COL14A1: variants seen among roughly 807,000 people sequenced by gnomAD.
The protein encoded by COL14A1 is collagen alpha-1(XIV) chain.
A neutral mutation model predicts 230.3 loss-of-function variants in COL14A1; 136 were observed. That is an observed-to-expected ratio of 0.59 (90% CI 0.51 to 0.68). COL14A1 has a LOEUF of 0.68. Among genes scored for constraint, COL14A1 ranks in the 30% least tolerant of loss-of-function variants. The pLI, the probability that COL14A1 is intolerant of heterozygous loss-of-function variation, is 0.00. For missense variants in COL14A1, 1,976 were observed against 2,215.8 expected, an observed-to-expected ratio of 0.89 and a Z score of 2.17; for synonymous variants, 792 against 784.1, an observed-to-expected ratio of 1.01 and a Z score of -0.17.
chr8:120,274,296 T>C (rs1157198232), intron 26 of COL14A1, among the ~76,000 whole-genome samples: 2 of 151,814 alleles, frequency 1.3e-5, no homozygotes, highest in African/African-American at 2.4e-5. Context: ...ATAAATACTT[T>C]CAACAAATTG....
intron 5 of COL14A1, among the ~76,000 whole-genome samples, chr8:120,192,441 G>T (rs1430325589): frequency 6.6e-6 from 1 of 152,124 alleles, no homozygotes; most frequent in African/African-American, 2.4e-5. Flanking sequence ...GCTTCCCTTT[G>T]TGGGTAACCC....
intron 1 of COL14A1, among the ~76,000 whole-genome samples, chr8:120,127,001 G>A (rs1814362878): frequency 6.6e-6 from 1 of 152,122 alleles, no homozygotes; most frequent in African/African-American, 2.4e-5. Context: ...ATGATTTTTA[G>A]TGTTTTCACA....
At chr8:120,261,852 TC>T (rs138308244) in intron 23 of COL14A1, among the ~76,000 whole-genome samples, 19,844 of 152,120 alleles carry the variant, frequency 0.13, 1,416 homozygotes, top group Non-Finnish European at 0.16. Context: ...CCCTCTGAAC[TC>T]CCTGGGAATG....
At chr8:120,325,893 G>A (rs1821649869) in intron 40 of COL14A1, among the ~76,000 whole-genome samples, 1 of 152,090 alleles carries the variant, frequency 6.6e-6, no homozygotes, top group African/African-American at 2.4e-5. Context: ...AAAGGTTTTG[G>A]GACGTGCAAG....
At position 120,132,431 on chromosome 8, in the gene COL14A1, C is replaced by T. The variant is rs141076125; in HGVS notation, c.-38+7091C>T. 5.1e-3 allele frequency among the ~76,000 whole-genome samples: 770 copies of T among 152,142 alleles called. 6 individuals are homozygous for T. Among genetic ancestry groups the T allele is most frequent in the African/African-American group, 0.018 (745 of 41,528 alleles). ...CGTTTTCTGTGTGTTTGTTTTTGTA[C>T]CAGTACCATGCTTTTTTGGTTACTG... is the stretch of plus-strand genomic sequence containing the variant. On this transcript the variant is annotated intron_variant, in intron 1 of 47. Transcript: ENST00000297848.
chr8:120,164,486 T>C (rs1815798208), intron 4 of COL14A1, among the ~76,000 whole-genome samples: 1 of 152,114 alleles, frequency 6.6e-6, no homozygotes, highest in South Asian at 2.1e-4. Context: ...AATTGCAGTT[T>C]TTGCAATTAC....
chr8:120,175,497 T>A (rs976220961), intron 5 of COL14A1, among the ~76,000 whole-genome samples: 6 of 152,178 alleles, frequency 3.9e-5, no homozygotes, highest in African/African-American at 9.7e-5. Flanking sequence ...AAGGGGTGAC[T>A]CTCAGTGTTC....
In COL14A1 at chr8:120,247,639, C is replaced by G. The variant is rs773268423; in HGVS notation, c.2506C>G (p.Arg836Gly). 3 of 1,613,872 alleles carry G rather than the reference C, an allele frequency of 1.9e-6. No individual in the cohort carries two copies. Among genetic ancestry groups the G allele is most frequent in the Non-Finnish European group, 2.5e-6 (3 of 1,179,976 alleles). The change falls in exon 21 of 48, where the codon CGG becomes GGG. Residue 836 changes from arginine (R) to glycine (G), a missense_variant. Arg to Gly is a moderately radical substitution (Grantham distance 125). This residue lies in a region of COL14A1 where 1,791 missense variants were observed against 2,019.5 expected (regional missense o/e 0.89). Transcript: ENST00000297848. Reference protein sequence around the residue: ...TLPSSGPQNLRVSEEWYNRLR... With the variant: ...TLPSSGPQNLGVSEEWYNRLR... ...ACCATCCTCGGGGCCCCAGAACTTG[C>G]GGGTGTCCGAGGAATGGTATAACCG...
intron 5 of COL14A1, among the ~76,000 whole-genome samples, chr8:120,183,073 A>G (rs1216282842): frequency 6.6e-6 from 1 of 152,180 alleles, no homozygotes; most frequent in Non-Finnish European, 1.5e-5. Flanking sequence ...ACATATTTTC[A>G]AAGGAATTAA....
At chr8:120,313,307 C>T (rs1207738703) in intron 37 of COL14A1, among the ~76,000 whole-genome samples, 1 of 152,160 alleles carries the variant, frequency 6.6e-6, no homozygotes, top group Non-Finnish European at 1.5e-5. Context: ...TTGCAGTGAG[C>T]TGAGATCAAG....
intron 40 of COL14A1, among the ~76,000 whole-genome samples, chr8:120,320,153 C>G (rs193049633): frequency 6.6e-6 from 1 of 152,034 alleles, no homozygotes; most frequent in South Asian, 2.1e-4. Flanking sequence ...CTTTCCTCAG[C>G]GGTAAAGTGG....
chr8:120,252,973 C>A lies in COL14A1; in HGVS notation c.2752+2207C>A, dbSNP rs183134372. Among the ~76,000 whole-genome samples, 7 of 152,266 alleles carry A rather than the reference C, an allele frequency of 4.6e-5. No individual in the cohort carries two copies. The East Asian group carries it at 1.4e-3, about 29-fold the overall frequency. Reference sequence around the variant, plus strand: ...AAATTTATCTTAAAAGAAATAGTCTCCATCTTCAACAGGCCTAGGAAGCCT... The same window carrying A: ...AAATTTATCTTAAAAGAAATAGTCTACATCTTCAACAGGCCTAGGAAGCCT... On this transcript the variant is annotated intron_variant, in intron 22 of 47. Coordinates refer to ENST00000297848, the MANE Select transcript of COL14A1 (RefSeq NM_021110.4).
At chr8:120,265,614 T>C (rs777582673) in intron 24 of COL14A1, among the ~76,000 whole-genome samples, 16 of 151,342 alleles carry the variant, frequency 1.1e-4, no homozygotes, top group Non-Finnish European at 2.1e-4. Context: ...AAAAAGCACA[T>C]ATATATAAAA....
intron 42 of COL14A1, among the ~76,000 whole-genome samples, chr8:120,335,596 G>A (rs569122835): frequency 6.6e-6 from 1 of 152,294 alleles, no homozygotes; most frequent in East Asian, 1.9e-4. Context: ...TCCCATGGAT[G>A]TCTGTCTAGG....
In COL14A1 at chr8:120,191,465, C is replaced by G. The variant is rs1252189809; in HGVS notation, c.437-5326C>G. 1.1e-3 allele frequency among the ~76,000 whole-genome samples: 158 copies of G among 150,318 alleles called. No individual in the cohort carries two copies. In the East Asian group the frequency reaches 0.015, roughly 14 times the overall value. On this transcript the variant is annotated intron_variant, in intron 5 of 47. Transcript: ENST00000297848. ...TTGCTGAGGAGAGCTTTACTTCCAA[C>G]TATGTGGTCAATTTTGGAATAGGTG...
At chr8:120,285,250 G>T (rs1049948085) in intron 32 of COL14A1, among the ~76,000 whole-genome samples, 1 of 151,552 alleles carries the variant, frequency 6.6e-6, no homozygotes, top group Non-Finnish European at 1.5e-5. Context: ...TCAGGAGATC[G>T]AGACCATCCT....
chr8:120,189,495 T>C (rs957812448), intron 5 of COL14A1, among the ~76,000 whole-genome samples: 2 of 151,826 alleles, frequency 1.3e-5, no homozygotes, highest in African/African-American at 4.8e-5. Flanking sequence ...TATTTTATTA[T>C]TATTATACTT....
chr8:120,363,694 C>A (rs1410491987), intron 45 of COL14A1, among the ~76,000 whole-genome samples: 1 of 152,114 alleles, frequency 6.6e-6, no homozygotes, highest in Non-Finnish European at 1.5e-5. Flanking sequence ...TGGACTGATG[C>A]TAGAGAGATA....
chr8:120,330,527 A>C (rs562831123), intron 40 of COL14A1, among the ~76,000 whole-genome samples: 1 of 152,146 alleles, frequency 6.6e-6, no homozygotes, highest in African/African-American at 2.4e-5. Context: ...AAACCATCAG[A>C]TCTTGTGAGA....
Sources: gnomAD v4.1 joint callset for allele counts (sites outside exome capture counted in the v4.1 genomes callset) on GRCh38, gnomAD v4.1.1 for gene constraint, gnomAD v4.1.1 regional missense constraint, MANE v1.5 for transcripts, NCBI Gene and HGNC (gene_info 2026-07-23, HGNC 2026-07-21) for gene names.